Variants in ARMC8 observed in about 807,000 individuals in gnomAD.
ARMC8 encodes armadillo repeat-containing protein 8.
ARMC8 carries 20 observed loss-of-function variants against 99.3 expected under a neutral mutation model. The observed-to-expected ratio is 0.20, with a 90% confidence interval of 0.14 to 0.29. ARMC8 has a LOEUF of 0.29. ARMC8 is among the 10% of genes least tolerant of loss of function. The pLI, the probability that ARMC8 is intolerant of heterozygous loss-of-function variation, is 1.00. For synonymous variants in ARMC8, 263 were observed against 278.3 expected, an observed-to-expected ratio of 0.95 and a Z score of 0.55; for missense variants, 569 against 809.5, an observed-to-expected ratio of 0.70 and a Z score of 3.60.
intron 12 of ARMC8, among the ~76,000 whole-genome samples, chr3:138,256,387 C>T (rs996851519): frequency 3.5e-4 from 46 of 132,800 alleles, no homozygotes; most frequent in Non-Finnish European, 5.8e-4. Context: ...TAAAGTATAT[C>T]TTTTTTTCCT....
chr3:138,283,432 A>G (rs955921987), intron 18 of ARMC8, among the ~76,000 whole-genome samples: 1 of 152,206 alleles, frequency 6.6e-6, no homozygotes, highest in Non-Finnish European at 1.5e-5. Flanking sequence ...TAACCCTTGC[A>G]GTATCCAACA....
At chr3:138,219,215 AATCTT>A (rs1218505221) in intron 2 of ARMC8, among the ~76,000 whole-genome samples, 3 of 152,218 alleles carry the variant, frequency 2.0e-5, no homozygotes, top group Non-Finnish European at 4.4e-5. Flanking sequence ...GTAATGTAGA[AATCTT>A]GGATAGTGTT....
intron 12 of ARMC8, chr3:138,246,266 G>A (rs2046876372): frequency 1.0e-6 from 1 of 985,714 alleles, no homozygotes; most frequent in South Asian, 4.7e-5. Flanking sequence ...TAAATTGAAT[G>A]TTTCCATGTA....
intron 2 of ARMC8, among the ~76,000 whole-genome samples, chr3:138,211,937 A>T (rs1034766271): frequency 1.3e-5 from 2 of 152,224 alleles, no homozygotes; most frequent in African/African-American, 4.8e-5. Flanking sequence ...CTCAAAGAAG[A>T]GAAAGGGGGA....
chr3:138,232,345 T>G (rs2108129019), intron 6 of ARMC8, among the ~76,000 whole-genome samples: 1 of 152,252 alleles, frequency 6.6e-6, no homozygotes, highest in African/African-American at 2.4e-5. Flanking sequence ...TTGTAACAAG[T>G]ATTTGCTGCC....
At chr3:138,267,107 A>G (rs2048355224) in intron 14 of ARMC8, 48 bp from the exon 15 acceptor site, 2 of 954,048 alleles carry the variant, frequency 2.1e-6, no homozygotes, top group East Asian at 2.6e-5. Flanking sequence ...TTTATATCTC[A>G]TCTTCATCAT....
chr3:138,234,333 A>G (rs1438065666), intron 6 of ARMC8, among the ~76,000 whole-genome samples: 4 of 152,094 alleles, frequency 2.6e-5, no homozygotes, highest in Non-Finnish European at 4.4e-5. Flanking sequence ...GATGGTCTTG[A>G]TCTCCCAACC....
chr3:138,288,248 T>TC (rs1359672063), intron 19 of ARMC8, among the ~76,000 whole-genome samples: 1 of 152,198 alleles, frequency 6.6e-6, no homozygotes, highest in Non-Finnish European at 1.5e-5. Context: ...TTCACTTTCT[T>TC]CCCCAAAGGA....
intron 1 of ARMC8, among the ~76,000 whole-genome samples, chr3:138,198,188 A>G (rs1022881115): frequency 6.6e-6 from 1 of 152,082 alleles, no homozygotes; most frequent in Non-Finnish European, 1.5e-5. Context: ...CAAAAGCCAA[A>G]CAAACAAAAA....
intron 6 of ARMC8, among the ~76,000 whole-genome samples, chr3:138,231,962 T>TG: frequency 1.2e-4 from 1 of 8,200 alleles, no homozygotes; most frequent in Non-Finnish European, 4.0e-4. Flanking sequence ...TTGCAATTGC[T>TG]TTTTTTTTTT....
intron 1 of ARMC8, among the ~76,000 whole-genome samples, chr3:138,208,178 T>C (rs1275844779): frequency 6.6e-6 from 1 of 151,506 alleles, no homozygotes; most frequent in Non-Finnish European, 1.5e-5. Context: ...AATACGAAAA[T>C]ATGTGTTGGC....
chr3:138,242,383 C>G (rs775043716), intron 11 of ARMC8, among the ~76,000 whole-genome samples: 5 of 152,158 alleles, frequency 3.3e-5, no homozygotes, highest in Non-Finnish European at 5.9e-5. Context: ...ATGTTACTTT[C>G]CACCACAGTC....
At chr3:138,277,487 G>A (rs1346827126) in intron 18 of ARMC8, among the ~76,000 whole-genome samples, 9 of 152,306 alleles carry the variant, frequency 5.9e-5, no homozygotes, top group Middle Eastern at 3.4e-3. Flanking sequence ...AGGAATATTT[G>A]TGGATCAGAT....
intron 1 of ARMC8, among the ~76,000 whole-genome samples, chr3:138,204,232 TAC>T (rs2044237965): frequency 2.0e-5 from 3 of 152,118 alleles, no homozygotes; most frequent in Admixed American, 2.0e-4. Context: ...TAGCTGGGAT[TAC>T]AGTCACCCGC....
chr3:138,266,291 T>C (rs183706087), intron 14 of ARMC8, among the ~76,000 whole-genome samples: 1 of 152,226 alleles, frequency 6.6e-6, no homozygotes, highest in Non-Finnish European at 1.5e-5. Context: ...TACACTCTAC[T>C]CTCCAGCTAC....
intron 12 of ARMC8, chr3:138,262,587 C>A: frequency 6.3e-7 from 1 of 1,593,492 alleles, no homozygotes. Flanking sequence ...CTGGACTCAC[C>A]TGAGGAGATT....
intron 1 of ARMC8, among the ~76,000 whole-genome samples, chr3:138,189,852 G>A (rs1199972982): frequency 1.3e-5 from 2 of 152,144 alleles, no homozygotes; most frequent in African/African-American, 4.8e-5. Context: ...TTCCAATAAA[G>A]CACATTCCTT....
intron 19 of ARMC8, among the ~76,000 whole-genome samples, chr3:138,285,116 T>A (rs1022069454): frequency 1.3e-5 from 2 of 152,218 alleles, no homozygotes; most frequent in African/African-American, 4.8e-5. Flanking sequence ...AGTTAACAAC[T>A]GCAGAGAAAG....
chr3:138,224,716 C>T (rs2045592637), intron 5 of ARMC8, among the ~76,000 whole-genome samples: 1 of 152,216 alleles, frequency 6.6e-6, no homozygotes, highest in Non-Finnish European at 1.5e-5. Flanking sequence ...CACCACCCTA[C>T]TCCAGCCTGG....
Sources: allele counts gnomAD v4.1 joint callset (sites outside exome capture counted in the v4.1 genomes callset), GRCh38; gene constraint gnomAD v4.1.1; transcripts MANE v1.5; gene names NCBI Gene and HGNC (gene_info 2026-07-23, HGNC 2026-07-21).